Variants in LYPD6 observed in about 807,000 individuals in gnomAD.
The protein encoded by LYPD6 is LY6/PLAUR domain containing 6, also known as ly6/PLAUR domain-containing protein 6.
Under a neutral mutation model 22.7 loss-of-function variants are expected in LYPD6, and 15 were observed. The observed-to-expected ratio is 0.66, with a 90% CI of 0.44 to 1.02. The LOEUF is 1.02. Among genes scored for constraint, LYPD6 ranks in the 50% least tolerant of loss-of-function variants. The pLI, the probability that LYPD6 is intolerant of heterozygous loss-of-function variation, is 0.00. For missense variants in LYPD6, 189 were observed against 208.4 expected (o/e 0.91, Z 0.57); for synonymous variants, 72 against 77.5 (o/e 0.93, Z 0.37).
At chr2:149,400,362 A>G (rs1444699561) in intron 1 of LYPD6, among the ~76,000 whole-genome samples, 1 of 152,212 alleles carries the variant, frequency 6.6e-6, no homozygotes, top group East Asian at 1.9e-4. Context: ...ACGGAAAGCA[A>G]CATCAGTTCT....
At chr2:149,448,499 G>T (rs1419273338) in intron 2 of LYPD6, among the ~76,000 whole-genome samples, 1 of 151,952 alleles carries the variant, frequency 6.6e-6, no homozygotes, top group East Asian at 1.9e-4. Context: ...TAACACAAGG[G>T]TTCCTCCTAC....
At chr2:149,352,677 G>C (rs1378556801) in intron 1 of LYPD6, among the ~76,000 whole-genome samples, 1 of 152,154 alleles carries the variant, frequency 6.6e-6, no homozygotes, top group Non-Finnish European at 1.5e-5. Flanking sequence ...CTGCATGGTT[G>C]GTTTTGCACT....
intron 1 of LYPD6, among the ~76,000 whole-genome samples, chr2:149,374,671 A>G (rs901432637): frequency 6.6e-6 from 1 of 152,176 alleles, no homozygotes; most frequent in African/African-American, 2.4e-5. Flanking sequence ...TGAGAATCGG[A>G]AAGTCCAGTC....
chr2:149,473,328 C>T lies in LYPD6; in HGVS notation c.*2478C>T, dbSNP rs968923166. On this transcript the variant is annotated 3_prime_UTR_variant, in exon 5 of 5. Transcript: ENST00000334166. ...CCTGTCAGAATGGCAGTGTTTAATTCTCTTGAAAGAAAGTTATTTGCTCAC... is the reference window on the plus strand; with the variant it reads ...CCTGTCAGAATGGCAGTGTTTAATTTTCTTGAAAGAAAGTTATTTGCTCAC... 6.6e-6 allele frequency: 1 copy of T among 152,606 alleles called. No homozygotes were observed. Among genetic ancestry groups the T allele is most frequent in the Non-Finnish European group, 1.5e-5 (1 of 68,048 alleles). 9.5% of individuals were successfully genotyped at this position (152,606 alleles called of 1,614,324 possible). A position where few individuals can be genotyped will look rare whatever the true frequency, so the allele number is the denominator to read the frequency against.
intron 1 of LYPD6, among the ~76,000 whole-genome samples, chr2:149,435,310 A>G (rs1683406128): frequency 6.6e-6 from 1 of 152,178 alleles, no homozygotes; most frequent in African/African-American, 2.4e-5. Context: ...TGGATTTACT[A>G]TCTTAATTTT....
chr2:149,383,432 AG>A (rs1682112573), intron 1 of LYPD6, among the ~76,000 whole-genome samples: 1 of 152,104 alleles, frequency 6.6e-6, no homozygotes, highest in South Asian at 2.1e-4. Context: ...TTTTTATCAG[AG>A]TATCACAAAA....
At chr2:149,409,157 T>C (rs77305631) in intron 1 of LYPD6, among the ~76,000 whole-genome samples, 3,369 of 152,280 alleles carry the variant, frequency 0.022, 106 homozygotes, top group African/African-American at 0.077. Context: ...AGAGCTAAAC[T>C]GTAGTAAATG....
intron 1 of LYPD6, among the ~76,000 whole-genome samples, chr2:149,393,100 C>G (rs1682350321): frequency 6.6e-6 from 1 of 152,230 alleles, no homozygotes; most frequent in South Asian, 2.1e-4. Flanking sequence ...TTTTGATATA[C>G]TCACCTGATT....
At chr2:149,407,143 G>A (rs750577737) in intron 1 of LYPD6, among the ~76,000 whole-genome samples, 11 of 152,126 alleles carry the variant, frequency 7.2e-5, no homozygotes, top group East Asian at 1.9e-4. Context: ...TAACCCGACC[G>A]TTCTCTCTGG....
At chr2:149,375,412 A>G (rs1681895670) in intron 1 of LYPD6, among the ~76,000 whole-genome samples, 1 of 152,084 alleles carries the variant, frequency 6.6e-6, no homozygotes, top group African/African-American at 2.4e-5. Flanking sequence ...GATGATGATA[A>G]TCATGCCTAC....
At chr2:149,436,508 A>G (rs185189701) in intron 1 of LYPD6, among the ~76,000 whole-genome samples, 207 of 152,336 alleles carry the variant, frequency 1.4e-3, no homozygotes, top group Non-Finnish European at 2.5e-3. Context: ...TTTGAGTGAA[A>G]AGGACAATCA....
chr2:149,367,285 A>G (rs1259747657), intron 1 of LYPD6, among the ~76,000 whole-genome samples: 3 of 152,172 alleles, frequency 2.0e-5, no homozygotes, highest in African/African-American at 4.8e-5. Context: ...TGGTTGCCGC[A>G]TAATCCAGTT....
intron 1 of LYPD6, among the ~76,000 whole-genome samples, chr2:149,373,259 C>G (rs1049740897): frequency 6.6e-6 from 1 of 152,152 alleles, no homozygotes; most frequent in African/African-American, 2.4e-5. Context: ...AGTTTAGTTT[C>G]TAATGCCAGT....
intron 1 of LYPD6, among the ~76,000 whole-genome samples, chr2:149,369,715 A>G (rs1056641784): frequency 6.6e-6 from 1 of 152,172 alleles, no homozygotes; most frequent in African/African-American, 2.4e-5. Flanking sequence ...GGAGGGAGGA[A>G]GTGGTCCACT....
downstream of LYPD6, chr2:149,474,278 C>G (rs1310284963): frequency 1.3e-5 from 2 of 152,158 alleles, no homozygotes; most frequent in South Asian, 2.1e-4. Context: ...CTCACTGGAG[C>G]CTCAAACTCC....
At chr2:149,401,276 G>T (rs375668592) in intron 1 of LYPD6, among the ~76,000 whole-genome samples, 118 of 152,318 alleles carry the variant, frequency 7.7e-4, no homozygotes, top group African/African-American at 2.8e-3. Context: ...ATGACCACCT[G>T]TATGGAATTC....
intron 1 of LYPD6, among the ~76,000 whole-genome samples, chr2:149,416,689 G>A (rs536055665): frequency 7.9e-5 from 12 of 152,292 alleles, no homozygotes; most frequent in African/African-American, 2.4e-4. Context: ...GCTAATAAGC[G>A]GGGCTACTCC....
chr2:149,456,372 A>G (rs1680958171), intron 3 of LYPD6, among the ~76,000 whole-genome samples: 1 of 152,210 alleles, frequency 6.6e-6, no homozygotes, highest in Admixed American at 6.5e-5. Flanking sequence ...TGATTAAGAA[A>G]TGACCAGCAT....
chr2:149,378,479 A>G (rs1681983468), intron 1 of LYPD6, among the ~76,000 whole-genome samples: 1 of 152,208 alleles, frequency 6.6e-6, no homozygotes, highest in South Asian at 2.1e-4. Flanking sequence ...GTTTTTAAGT[A>G]GTCAGTTTAG....
Sources: gnomAD v4.1 joint callset for allele counts (sites outside exome capture counted in the v4.1 genomes callset) on GRCh38, gnomAD v4.1.1 for gene constraint, MANE v1.5 for transcripts, NCBI Gene and HGNC (gene_info 2026-07-23, HGNC 2026-07-21) for gene names.